The following UNC13C variants were observed in gnomAD, a reference collection of about 807,000 sequenced individuals.
UNC13C encodes protein unc-13 homolog C.
Under a neutral mutation model 245.4 loss-of-function variants are expected in UNC13C, and 174 were observed. That is an observed-to-expected ratio of 0.71 (90% CI 0.63 to 0.80). The LOEUF (loss-of-function observed/expected upper bound fraction) is 0.80, where lower values mean the gene tolerates loss of function less well. Ranked by LOEUF, UNC13C falls within the 30% of genes least tolerant of loss-of-function variation. UNC13C has a pLI of 0.00. For synonymous variants in UNC13C, 992 were observed against 895.1 expected, an observed-to-expected ratio of 1.11 and a Z score of -1.93; for missense variants, 2,829 against 2,602.9, an observed-to-expected ratio of 1.09 and a Z score of -1.89.
At chr15:53,915,232 T>A in the UNC13C span, among the ~76,000 whole-genome samples, 1 of 152,180 alleles carries the variant, frequency 6.6e-6, no homozygotes, top group African/African-American at 2.4e-5. Context: ...TTTAAAAAAA[T>A]ATGTCCTATG....
Position 54,192,300 on chromosome 15 carries a change from A to G in UNC13C, c.3072-42730A>G, listed in dbSNP as rs77990787. On this transcript the variant is annotated intron_variant, in intron 4 of 32. Coordinates refer to ENST00000260323, the MANE Select transcript of UNC13C (RefSeq NM_001080534.3). Reference sequence around the variant, plus strand: ...TGTTTTTGTAGTCTTTGTGACTATCATGTATTAGTTTCCTATTGTTGTTGT... The same window carrying G: ...TGTTTTTGTAGTCTTTGTGACTATCGTGTATTAGTTTCCTATTGTTGTTGT... 6.0e-3 allele frequency among the ~76,000 whole-genome samples: 908 copies of G among 151,996 alleles called. 51 individuals are homozygous for G. In the East Asian group the frequency reaches 0.11, roughly 18 times the overall value.
chr15:54,492,550 G>A (rs1215649722), intron 19 of UNC13C, among the ~76,000 whole-genome samples: 1 of 152,022 alleles, frequency 6.6e-6, no homozygotes, highest in East Asian at 1.9e-4. Flanking sequence ...ACTTAACATA[G>A]TTCTCAGCCA....
intron 30 of UNC13C, among the ~76,000 whole-genome samples, chr15:54,583,926 G>A (rs754441198): frequency 5.9e-5 from 9 of 152,146 alleles, no homozygotes; most frequent in Non-Finnish European, 1.2e-4. Flanking sequence ...ACACCCCCAC[G>A]GGAAAGCCCC....
the UNC13C span, among the ~76,000 whole-genome samples, chr15:53,953,533 T>C: frequency 1.3e-5 from 2 of 152,206 alleles, no homozygotes; most frequent in African/African-American, 4.8e-5. Flanking sequence ...GATTCTCCTT[T>C]GCAGACTTGA....
At chr15:53,880,280 T>C in the UNC13C span, among the ~76,000 whole-genome samples, 1 of 152,186 alleles carries the variant, frequency 6.6e-6, no homozygotes, top group Non-Finnish European at 1.5e-5. Flanking sequence ...AGAAGTTGGC[T>C]AAAACAACTA....
chr15:54,225,999 G>A (rs1473718911), intron 4 of UNC13C, among the ~76,000 whole-genome samples: 1 of 152,160 alleles, frequency 6.6e-6, no homozygotes, highest in Non-Finnish European at 1.5e-5. Context: ...CTAGTTTATT[G>A]AGAGTTTTTA....
At chr15:54,265,871 C>A (rs2036538355) in intron 10 of UNC13C, among the ~76,000 whole-genome samples, 1 of 151,930 alleles carries the variant, frequency 6.6e-6, no homozygotes, top group African/African-American at 2.4e-5. Flanking sequence ...AGCCAGTAGA[C>A]TTAGAGCATC....
intron 2 of UNC13C, among the ~76,000 whole-genome samples, chr15:54,107,452 G>A (rs1900503339): frequency 6.6e-6 from 1 of 152,146 alleles, no homozygotes; most frequent in African/African-American, 2.4e-5. Context: ...ACATAAGGAG[G>A]TGCCCGGCAT....
the UNC13C span, among the ~76,000 whole-genome samples, chr15:53,840,629 A>T: frequency 6.6e-6 from 1 of 152,170 alleles, no homozygotes; most frequent in Non-Finnish European, 1.5e-5. Context: ...TTTTGCCTTG[A>T]TGTACATACA....
chr15:54,297,662 G>A, intron 11 of UNC13C, 149 bp from the exon 12 acceptor site: 1 of 666,282 alleles, frequency 1.5e-6, no homozygotes, highest in South Asian at 1.7e-5. Flanking sequence ...CCTCATCATG[G>A]TTACTTAATA....
At chr15:54,063,644 T>G (rs931674165) in intron 2 of UNC13C, among the ~76,000 whole-genome samples, 1 of 152,186 alleles carries the variant, frequency 6.6e-6, no homozygotes, top group African/African-American at 2.4e-5. Flanking sequence ...GCAAAGAAGA[T>G]TCTGTCTTGA....
chr15:54,242,714 C>T (rs943627899), intron 7 of UNC13C, among the ~76,000 whole-genome samples: 12 of 152,030 alleles, frequency 7.9e-5, no homozygotes, highest in Non-Finnish European at 1.3e-4. Flanking sequence ...TTAACTATTG[C>T]ATATACACAA....
chr15:54,440,520 G>T (rs1237681576), intron 19 of UNC13C, among the ~76,000 whole-genome samples: 1 of 151,862 alleles, frequency 6.6e-6, no homozygotes, highest in Non-Finnish European at 1.5e-5. Context: ...GTATTCCATT[G>T]TGTATAAATA....
At chr15:54,030,804 G>T (rs146839718) in intron 2 of UNC13C, among the ~76,000 whole-genome samples, 1 of 152,310 alleles carries the variant, frequency 6.6e-6, no homozygotes, top group Non-Finnish European at 1.5e-5. Context: ...TCAGGTGGCA[G>T]AAGGAGGAAG....
At chr15:54,372,748 G>A (rs1291699104) in intron 17 of UNC13C, among the ~76,000 whole-genome samples, 3 of 152,152 alleles carry the variant, frequency 2.0e-5, no homozygotes, top group African/African-American at 4.8e-5. Flanking sequence ...GTGAAGAATT[G>A]CATGCAGAAA....
At position 54,597,247 on chromosome 15, in the gene UNC13C, G is replaced by T. The variant is rs182458903; in HGVS notation, c.6107-25080G>T. 3.3e-3 allele frequency among the ~76,000 whole-genome samples: 510 copies of T among 152,266 alleles called. 3 individuals carry two copies. The highest frequency in any genetic ancestry group is 5.5e-3 in the Non-Finnish European group (372 of 68,010). On this transcript the variant is annotated intron_variant, in intron 30 of 32. Transcript: ENST00000260323. ...TGCTGTGCAGCCCAGTTCCTAACAG[G>T]CCACAGACCGGTATCATTCCACAGC...
the UNC13C span, among the ~76,000 whole-genome samples, chr15:53,923,527 A>G: frequency 6.6e-6 from 1 of 152,258 alleles, no homozygotes; most frequent in East Asian, 1.9e-4. Flanking sequence ...TACTTCCCCT[A>G]TGACCCTTGA....
At chr15:54,484,764 A>G (rs989757299) in intron 19 of UNC13C, among the ~76,000 whole-genome samples, 1 of 152,172 alleles carries the variant, frequency 6.6e-6, no homozygotes, top group African/African-American at 2.4e-5. Context: ...TTGTTTTTGT[A>G]TGCTGTAAAT....
At chr15:54,419,700 G>T (rs779222592) in intron 19 of UNC13C, among the ~76,000 whole-genome samples, 1 of 152,040 alleles carries the variant, frequency 6.6e-6, no homozygotes, top group Non-Finnish European at 1.5e-5. Context: ...TTGAAATAAG[G>T]AACAACAGTG....
Sources: allele counts gnomAD v4.1 joint callset (sites outside exome capture counted in the v4.1 genomes callset), GRCh38; gene constraint gnomAD v4.1.1; transcripts MANE v1.5; gene names NCBI Gene and HGNC (gene_info 2026-07-23, HGNC 2026-07-21).